CFAP44: variants seen among roughly 807,000 people sequenced by gnomAD.
CFAP44 encodes the protein cilia- and flagella-associated protein 44.
In CFAP44, 134 loss-of-function variants were observed where a neutral mutation model predicts 216.2. The observed-to-expected ratio is 0.62, with a 90% CI of 0.54 to 0.72. The LOEUF is 0.72. Among genes scored for constraint, CFAP44 ranks in the 30% least tolerant of loss-of-function variants. The probability of loss-of-function intolerance (pLI) is 0.00; values close to 1 mark genes in which losing one functional copy is unlikely to be tolerated. For synonymous variants in CFAP44, 700 were observed against 727.6 expected (o/e 0.96, Z 0.61); for missense variants, 2,035 against 2,182.1 (o/e 0.93, Z 1.34).
chr3:113,405,773 TACCAGGTTTTTA>T (rs1228994972), intron 8 of CFAP44, among the ~76,000 whole-genome samples: 1 of 152,212 alleles, frequency 6.6e-6, no homozygotes, highest in East Asian at 1.9e-4. Context: ...ATATATCTCA[TACCAGGTTTTTA>T]ACAAGGATTC....
chr3:113,311,928 T>A (rs1402946421), intron 28 of CFAP44, among the ~76,000 whole-genome samples: 3 of 152,186 alleles, frequency 2.0e-5, no homozygotes, highest in Non-Finnish European at 4.4e-5. Flanking sequence ...ATTTTGCCCC[T>A]GCCCTAGAGA....
chr3:113,342,258 A>G (rs1005244549), intron 23 of CFAP44, among the ~76,000 whole-genome samples: 3 of 152,156 alleles, frequency 2.0e-5, no homozygotes, highest in Non-Finnish European at 4.4e-5. Context: ...GCTTGAAACC[A>G]GGAGGCAGAG....
intron 5 of CFAP44, 27 bp downstream of exon 5, chr3:113,419,990 T>C: frequency 6.2e-7 from 1 of 1,600,932 alleles, no homozygotes; most frequent in Non-Finnish European, 8.5e-7. Flanking sequence ...TTTTTTGGGG[T>C]TTTTTTCTAA....
In CFAP44 at chr3:113,362,204, A is replaced by G. The variant is rs1435620706; in HGVS notation, c.2934+941T>C. Among the ~76,000 whole-genome samples, 3 of 152,012 alleles carry G rather than the reference A, an allele frequency of 2.0e-5. No individual in the cohort carries two copies. In the East Asian group the frequency reaches 5.8e-4, roughly 29 times the overall value. On this transcript the variant is annotated intron_variant, in intron 21 of 34. Coordinates refer to ENST00000393845, the MANE Select transcript of CFAP44 (RefSeq NM_001164496.2). ...AAGAAAAACCATTAGCTAATCTATC[A>G]ATTTTTGTCTGATACAGTGTACCGG...
intron 22 of CFAP44, among the ~76,000 whole-genome samples, chr3:113,355,680 G>A (rs1239124212): frequency 2.0e-5 from 3 of 152,032 alleles, no homozygotes; most frequent in African/African-American, 7.3e-5. Context: ...TAAATGATGA[G>A]TTGATGGGTG....
At chr3:113,374,219 A>C (rs1464877130) in intron 17 of CFAP44, among the ~76,000 whole-genome samples, 1 of 152,080 alleles carries the variant, frequency 6.6e-6, no homozygotes, top group Non-Finnish European at 1.5e-5. Flanking sequence ...AAACTCTCCC[A>C]CTGAGAACAA....
At chr3:113,368,062 C>T (rs144257757) in intron 18 of CFAP44, among the ~76,000 whole-genome samples, 22 of 152,158 alleles carry the variant, frequency 1.4e-4, no homozygotes, top group African/African-American at 4.6e-4. Context: ...AAGAAATGAA[C>T]AAAGTCTCCA....
chr3:113,427,847 A>T (rs1303630909), intron 2 of CFAP44, among the ~76,000 whole-genome samples: 1 of 152,032 alleles, frequency 6.6e-6, no homozygotes, highest in Non-Finnish European at 1.5e-5. Flanking sequence ...TCAAGTGCAA[A>T]CATGAGGATG....
At chr3:113,411,741 C>T (rs1042230472) in intron 6 of CFAP44, among the ~76,000 whole-genome samples, 1 of 152,162 alleles carries the variant, frequency 6.6e-6, no homozygotes, top group Non-Finnish European at 1.5e-5. Context: ...GCAGTATGGC[C>T]ATGTTCATGA....
At chr3:113,394,057 T>C (rs191662601) in intron 15 of CFAP44, among the ~76,000 whole-genome samples, 29 of 152,342 alleles carry the variant, frequency 1.9e-4, no homozygotes, top group Non-Finnish European at 8.8e-5. Flanking sequence ...GAAATAAGTA[T>C]AGATTTACAG....
chr3:113,430,342 A>C (rs1170169601), intron 2 of CFAP44, among the ~76,000 whole-genome samples: 5 of 151,576 alleles, frequency 3.3e-5, no homozygotes, highest in African/African-American at 1.2e-4. Context: ...GGAAATTTAT[A>C]GCTTTCAATA....
chr3:113,358,879 C>T lies in CFAP44; in HGVS notation c.2935-4G>A. ...TTTGGGAATCTACATCAAAATCCTG[C>T]AGATAAGAAGATCTGTTCATCAAAA... is the stretch of plus-strand genomic sequence containing the variant. On this transcript the variant is annotated splice_region_variant and splice_polypyrimidine_tract_variant and intron_variant, in intron 21 of 34. Coordinates refer to ENST00000393845, the MANE Select transcript of CFAP44 (RefSeq NM_001164496.2). 1 of 1,535,478 alleles carries T rather than the reference C, an allele frequency of 6.5e-7. No individual in the cohort carries two copies. The highest frequency in any genetic ancestry group is 8.7e-7 in the Non-Finnish European group (1 of 1,145,908).
rs906742089 is a variant in CFAP44 at position 113,294,102 on chromosome 3, G to A, written c.5373+585C>T. ...AACTGGCCTTTTTGCAGGTAATATT[G>A]TTAAGTATATAACATAGAGTTTGGA... On this transcript the variant is annotated intron_variant, in intron 34 of 34. Coordinates refer to ENST00000393845, the MANE Select transcript of CFAP44 (RefSeq NM_001164496.2). 6.6e-6 allele frequency: 3 copies of A among 455,896 alleles called. No individual in the cohort carries two copies. The Admixed American group carries it at 7.1e-5, about 11-fold the overall frequency. The allele number at this position is 455,896 out of a possible 1,614,324, so 28.2% of individuals were successfully genotyped here.
intron 2 of CFAP44, among the ~76,000 whole-genome samples, chr3:113,431,498 A>G (rs563472724): frequency 6.6e-6 from 1 of 152,260 alleles, no homozygotes; most frequent in Admixed American, 6.5e-5. Flanking sequence ...TCAGAAATGT[A>G]GGGAGTACAG....
chr3:113,356,883 T>C (rs911360463), intron 22 of CFAP44, among the ~76,000 whole-genome samples: 1 of 151,724 alleles, frequency 6.6e-6, no homozygotes, highest in Admixed American at 6.6e-5. Context: ...TACAGCAAGG[T>C]ATTTTATATG....
chr3:113,400,584 A>T lies in CFAP44; in HGVS notation c.1435T>A (p.Ser479Thr). Residue 479 changes from serine (S) to threonine (T), a missense_variant, in exon 12 of 35, where the codon TCT becomes ACT. Around this residue, in one of 3 missense-constraint regions of CFAP44, gnomAD observed 1,883 missense variants for 2,023.7 expected, o/e 0.93. Transcript: ENST00000393845. The part of the protein sequence containing the change: ...HSGAIEAVAV[S>T]PLTYLMATTA... ...GTGGCCATGAGATAAGTGAGAGGAG[A>T]AACAGCCACGGCTTCAATAGCTCCA... 1.2e-6 allele frequency: 2 copies of T among 1,610,950 alleles called. No homozygotes were observed. The highest frequency in any genetic ancestry group is 1.7e-6 in the Non-Finnish European group (2 of 1,178,434).
At chr3:113,304,241 C>A in intron 31 of CFAP44, 124 bp from the exon 32 acceptor site, 1 of 945,196 alleles carries the variant, frequency 1.1e-6, no homozygotes, top group Non-Finnish European at 1.5e-6. Context: ...TGGGCTTCTA[C>A]GTCTTCCTTA....
chr3:113,363,226 T>G lies in CFAP44; in HGVS notation c.2853A>C (p.Gln951His). ...VGEIKARKRE[Q>H]IKALRSEFCN... ...AAAATTCACTCCTCAAAGCTTTGAT[T>G]TGCTCTCTCTTCCGTGCCTTTATTT... Residue 951 changes from glutamine (Q) to histidine (H), a missense_variant, in exon 21 of 35, where the codon CAA becomes CAC. Around this residue, in one of 3 missense-constraint regions of CFAP44, gnomAD observed 1,883 missense variants for 2,023.7 expected, o/e 0.93. Transcript: ENST00000393845. 1 of 1,613,560 alleles carries G rather than the reference T, an allele frequency of 6.2e-7. No homozygotes were observed. Among genetic ancestry groups the G allele is most frequent in the East Asian group, 2.2e-5 (1 of 44,802 alleles).
chr3:113,367,366 G>C (rs142933837), intron 18 of CFAP44, among the ~76,000 whole-genome samples: 3,819 of 152,286 alleles, frequency 0.025, 59 homozygotes, highest in East Asian at 0.052. Context: ...CTAGAGGAAG[G>C]ATCAGGCAGC....
Sources: allele counts gnomAD v4.1 joint callset (sites outside exome capture counted in the v4.1 genomes callset), GRCh38; gene constraint gnomAD v4.1.1; regional missense constraint gnomAD v4.1.1; transcripts MANE v1.5; gene names NCBI Gene and HGNC (gene_info 2026-07-23, HGNC 2026-07-21).